Variants in CIITA observed in about 807,000 individuals in gnomAD.
CIITA encodes MHC class II transactivator.
Under a neutral mutation model 115.1 loss-of-function variants are expected in CIITA, and 72 were observed. The observed-to-expected ratio is 0.63, with a 90% CI of 0.52 to 0.76. The LOEUF is 0.76. CIITA is among the 30% of genes least tolerant of loss of function. CIITA has a pLI of 0.00. For missense variants in CIITA, 1,617 were observed against 1,463.8 expected, an observed-to-expected ratio of 1.10 and a Z score of -1.71; for synonymous variants, 763 against 635.6, an observed-to-expected ratio of 1.20 and a Z score of -3.02.
chr16:10,908,546 T>C (rs548236027), intron 11 of CIITA: 2 of 414,170 alleles, frequency 4.8e-6, no homozygotes, highest in Non-Finnish European at 9.1e-6. Flanking sequence ...TTCCACTCCA[T>C]TTTGTATTCA....
At chr16:10,904,680 G>C (rs1051793209) in intron 9 of CIITA, 64 bp from the exon 10 acceptor site, 6 of 1,580,516 alleles carry the variant, frequency 3.8e-6, no homozygotes, top group Non-Finnish European at 5.2e-6. Flanking sequence ...AAGTGGCCCA[G>C]AGGGAGGGGG....
chr16:10,887,243 TG>T (rs940146958), intron 1 of CIITA, among the ~76,000 whole-genome samples: 77 of 151,340 alleles, frequency 5.1e-4, no homozygotes, highest in Non-Finnish European at 6.9e-4. Context: ...AGGTTGGTGT[TG>T]GGGGGGGCCT....
chr16:10,937,201 G>A (rs185838558), downstream of CIITA: 3 of 152,420 alleles, frequency 2.0e-5, no homozygotes, highest in East Asian at 3.9e-4. The surrounding 1 kb of genome is among the most constrained non-coding windows in gnomAD (Gnocchi z 4.2). Context: ...GAGCTGGAGA[G>A]GTGGCCAGGC....
rs2040464080 is a variant in CIITA at position 10,924,791 on chromosome 16, G to C, written c.*936G>C. On this transcript the variant is annotated 3_prime_UTR_variant, in exon 20 of 20. Coordinates refer to ENST00000324288, the MANE Select transcript of CIITA (RefSeq NM_000246.4). ...GGGACACTAATGGGGCGGTGAGAGG[G>C]GAACAGACTGGAAGCACAGCTTCAT... The C allele has an allele frequency of 6.6e-6, 1 of 152,256 alleles. No individual in the cohort carries two copies. 9.4% of individuals were successfully genotyped at this position (152,256 alleles called of 1,614,324 possible).
chr16:10,908,312 G>C, intron 11 of CIITA, 163 bp downstream of exon 11: 1 of 878,100 alleles, frequency 1.1e-6, no homozygotes, highest in Non-Finnish European at 1.8e-6. Context: ...GAGGCTCAGA[G>C]AGGGGCAGCC....
intron 9 of CIITA, among the ~76,000 whole-genome samples, chr16:10,904,247 A>T (rs951186622): frequency 6.6e-6 from 1 of 152,144 alleles, no homozygotes; most frequent in Non-Finnish European, 1.5e-5. Context: ...GTTGAGATGG[A>T]GTCTCACTCT....
chr16:10,887,719 T>G (rs2037103627), intron 1 of CIITA, among the ~76,000 whole-genome samples: 1 of 152,152 alleles, frequency 6.6e-6, no homozygotes, highest in Admixed American at 6.5e-5. Context: ...GGTCTTGAAC[T>G]CCTGACCTCA....
chr16:10,898,553 C>T lies in CIITA; in HGVS notation c.296-117C>T, dbSNP rs569994918. ...TTTGATCATTCATTCATTCAACAAA[C>T]ATTTCTTGAGTCCCCACTGTGTGCC... On this transcript the variant is annotated intron_variant, in intron 3 of 19. Coordinates refer to ENST00000324288, the MANE Select transcript of CIITA (RefSeq NM_000246.4). The T allele has an allele frequency of 2.1e-5, 14 of 660,542 alleles. No individual in the cohort carries two copies. The African/African-American group carries it at 2.4e-4, about 11-fold the overall frequency. The allele number at this position is 660,542 out of a possible 1,614,324, so 40.9% of individuals were successfully genotyped here.
rs1286058878 is a variant in CIITA at position 10,916,391 on chromosome 16, G to A, written c.2994G>A (p.Lys998=). ...HLDLDALSEN[K]IGDEGVSQLS... ...GCCTGGATGCGCTGAGTGAGAACAA[G>A]ATCGGGGACGAGGGTGTCTCGCAGC... The change falls in exon 15 of 20, where the codon AAG becomes AAA. Residue 998 remains lysine, a synonymous_variant. Coordinates refer to ENST00000324288, the MANE Select transcript of CIITA (RefSeq NM_000246.4). 9.9e-6 allele frequency: 16 copies of A among 1,613,938 alleles called. No homozygotes were observed. The East Asian group carries it at 3.1e-4, about 31-fold the overall frequency.
At chr16:10,889,527 G>GTT (rs375071964) in intron 1 of CIITA, among the ~76,000 whole-genome samples, 22 of 147,562 alleles carry the variant, frequency 1.5e-4, no homozygotes, top group African/African-American at 5.5e-4. Context: ...TTTGTTTTTT[G>GTT]TTTTTTTTTT....
At position 10,933,829 on chromosome 16, in the gene CIITA, C is replaced by G. The variant is rs1242080274; in HGVS notation, c.*9974C>G. The G allele has an allele frequency of 6.6e-6, 1 of 152,248 alleles. No individual in the cohort carries two copies. Among genetic ancestry groups the G allele is most frequent in the Non-Finnish European group, 1.5e-5 (1 of 68,050 alleles). 9.4% of individuals were successfully genotyped at this position (152,248 alleles called of 1,614,324 possible). Reference sequence around the variant, plus strand: ...TTAAAGTGGCTAAAGACAGACGTCACCCTCCCCTACTCACGCAGCCATTCT... The same window carrying G: ...TTAAAGTGGCTAAAGACAGACGTCAGCCTCCCCTACTCACGCAGCCATTCT... On this transcript the variant is annotated 3_prime_UTR_variant, in exon 20 of 20. Transcript: ENST00000324288.
At chr16:10,916,614 C>A (rs2039967003) in intron 15 of CIITA, 155 bp downstream of exon 15, 2 of 707,526 alleles carry the variant, frequency 2.8e-6, no homozygotes, top group Admixed American at 2.1e-5. Context: ...CAGCCTTGAA[C>A]TCCTGGCCTC....
At chr16:10,898,608 G>C (rs2038381786) in intron 3 of CIITA, 62 bp from the exon 4 acceptor site, 1 of 1,524,948 alleles carries the variant, frequency 6.6e-7, no homozygotes. Flanking sequence ...CCCAAGGCCT[G>C]GCACACAGTG....
At chr16:10,867,178 A>T (rs555366864) in intron 1 of CIITA, among the ~76,000 whole-genome samples, 4 of 152,066 alleles carry the variant, frequency 2.6e-5, no homozygotes, top group African/African-American at 9.7e-5. Context: ...GGGAAGGCAG[A>T]GGTTGCAATG....
Position 10,879,698 on chromosome 16 carries a change from T to C in CIITA, c.52+2316T>C, listed in dbSNP as rs2036223869. Among the ~76,000 whole-genome samples, 1 of 152,182 alleles carries C rather than the reference T, an allele frequency of 6.6e-6. No individual in the cohort carries two copies. The highest frequency in any genetic ancestry group is 2.1e-4 in the South Asian group (1 of 4,824). On this transcript the variant is annotated intron_variant, in intron 1 of 19. Coordinates refer to ENST00000324288, the MANE Select transcript of CIITA (RefSeq NM_000246.4). The surrounding 1 kb of genome is among the most constrained non-coding windows in gnomAD (Gnocchi z 4.3). ...GATCTCTCACTTCTCTACCTCGCTT[T>C]GGGGCCCTGAGTCACACCCTCTAAG... is the stretch of plus-strand genomic sequence containing the variant.
In CIITA at chr16:10,919,191, A is replaced by T. The variant is rs181017479; in HGVS notation, c.3149+665A>T. Among the ~76,000 whole-genome samples, 4 of 152,030 alleles carry T rather than the reference A, an allele frequency of 2.6e-5. No individual in the cohort carries two copies. In the East Asian group the frequency reaches 7.7e-4, roughly 29 times the overall value. On this transcript the variant is annotated intron_variant, in intron 16 of 19. Coordinates refer to ENST00000324288, the MANE Select transcript of CIITA (RefSeq NM_000246.4). ...GTCCCTTATTATTTATTTATTTTTA[A>T]TTTTTTTAATTTCTGTTTTTGAGAT...
In CIITA at chr16:10,929,658, G is replaced by A; in HGVS notation, c.*5803G>A. On this transcript the variant is annotated 3_prime_UTR_variant, in exon 20 of 20. Coordinates refer to ENST00000324288, the MANE Select transcript of CIITA (RefSeq NM_000246.4). The surrounding 1 kb of genome is among the most constrained non-coding windows in gnomAD (Gnocchi z 4.3). ...CCAATCCACCAGGCTCGGGAGGCTT[G>A]GGGTGGGGCAGGGAAGTCTTCCTCC... is the stretch of plus-strand genomic sequence containing the variant. 1 of 743,234 alleles carries A rather than the reference G, an allele frequency of 1.3e-6. No homozygotes were observed. 46.0% of individuals were successfully genotyped at this position (743,234 alleles called of 1,614,324 possible). A position where few individuals can be genotyped will look rare whatever the true frequency, so the allele number is the denominator to read the frequency against.
rs564436138 is a variant in CIITA at position 10,912,836 on chromosome 16, C to T, written c.2888+2577C>T. On this transcript the variant is annotated intron_variant, in intron 13 of 19. Coordinates refer to ENST00000324288, the MANE Select transcript of CIITA (RefSeq NM_000246.4). ...GCCGGGTGATCAGCCACCTGGAGAC[C>T]GGAAGCCCCCGAGGAGGTTCTGAGG... Among the ~76,000 whole-genome samples the T allele has an allele frequency of 3.3e-5, 5 of 152,286 alleles. No homozygotes were observed. The East Asian group carries it at 7.7e-4, about 24-fold the overall frequency.
At chr16:10,938,492 A>C (rs1454028039), downstream of CIITA, 1 of 152,192 alleles carries the variant, frequency 6.6e-6, no homozygotes, top group Non-Finnish European at 1.5e-5. The surrounding 1 kb of genome is among the most constrained non-coding windows in gnomAD (Gnocchi z 4.9). Context: ...CGTGTGGGGA[A>C]CACATGTGAC....
Sources: allele counts gnomAD v4.1 joint callset (sites outside exome capture counted in the v4.1 genomes callset), GRCh38; gene constraint gnomAD v4.1.1; non-coding constraint Gnocchi (gnomAD v3.1); transcripts MANE v1.5; gene names NCBI Gene and HGNC (gene_info 2026-07-23, HGNC 2026-07-21).